The following ELMOD1 variants were observed in gnomAD, a reference collection of about 807,000 sequenced individuals.
ELMOD1 encodes the protein ELMO domain-containing protein 1.
ELMOD1 carries 21 observed loss-of-function variants against 46.7 expected under a neutral mutation model. The ratio of observed to expected loss-of-function variants is 0.45; its 90% CI spans 0.32 to 0.65. The LOEUF (loss-of-function observed/expected upper bound fraction) is 0.65. Ranked by LOEUF, ELMOD1 falls within the 30% of genes least tolerant of loss-of-function variation. The pLI is 0.04. For synonymous variants in ELMOD1, 122 were observed against 138.2 expected (o/e 0.88, Z 0.82); for missense variants, 348 against 407.8 (o/e 0.85, Z 1.26).
chr11:107,591,454 C>G (rs960918058), intron 1 of ELMOD1, 45 bp downstream of exon 1: 1 of 185,750 alleles, frequency 5.4e-6, no homozygotes, highest in African/African-American at 2.4e-5. Flanking sequence ...GGGCGAATGC[C>G]CTTGGGGAGG....
Position 107,631,683 on chromosome 11 carries a change from AAT to A in ELMOD1, c.290+9_290+10del, listed in dbSNP as rs1866143774. 12 of 1,453,462 alleles carry A rather than the reference AAT, an allele frequency of 8.3e-6. No homozygotes were observed. Among genetic ancestry groups the A allele is most frequent in the East Asian group, 5.0e-5 (2 of 39,770 alleles). The allele number at this position is 1,453,462 out of a possible 1,614,324, so 90.0% of individuals were successfully genotyped here. On this transcript the variant is annotated splice_region_variant and intron_variant, in intron 5 of 11. Coordinates refer to ENST00000265840, the MANE Select transcript of ELMOD1 (RefSeq NM_018712.4). ...AATCCTGACGTAAATCCACAGTAAG[AAT>A]ATGTTTCTTATGTCAAAAATACAGA...
chr11:107,627,102 A>T (rs930861132), intron 2 of ELMOD1, among the ~76,000 whole-genome samples: 2 of 152,240 alleles, frequency 1.3e-5, no homozygotes, highest in Non-Finnish European at 2.9e-5. Context: ...GATCTGGATT[A>T]AAAAAATACA....
rs201524635 is a variant in ELMOD1 at position 107,631,612 on chromosome 11, C to A, written c.225C>A (p.Asp75Glu). ...LLQTSVSVHP[D>E]AIEKTIEDIM... is the part of the protein sequence containing the mutation. Reference sequence around the variant, plus strand: ...AGACTTCTGTGAGTGTTCACCCCGACGCTATTGAAAAAACTATAGAAGATA... The same window carrying A: ...AGACTTCTGTGAGTGTTCACCCCGAAGCTATTGAAAAAACTATAGAAGATA... The change falls in exon 5 of 12, where the codon GAC becomes GAA. Residue 75 changes from aspartate to glutamate, a missense_variant. Coordinates refer to ENST00000265840, the MANE Select transcript of ELMOD1 (RefSeq NM_018712.4). The A allele has an allele frequency of 5.1e-6, 8 of 1,565,306 alleles. No homozygotes were observed. The highest frequency in any genetic ancestry group is 1.7e-4 in the Middle Eastern group (1 of 6,034).
chr11:107,660,604 A>C (rs1318942014), intron 11 of ELMOD1, among the ~76,000 whole-genome samples: 1 of 152,226 alleles, frequency 6.6e-6, no homozygotes, highest in African/African-American at 2.4e-5. Context: ...CGTGGTGAAA[A>C]GTCAGCTGGT....
intron 1 of ELMOD1, among the ~76,000 whole-genome samples, chr11:107,604,146 A>G (rs1421260161): frequency 2.6e-5 from 4 of 152,160 alleles, no homozygotes; most frequent in Non-Finnish European, 4.4e-5. Context: ...CACTCCAGAC[A>G]TGTTTATGAT....
intron 1 of ELMOD1, among the ~76,000 whole-genome samples, chr11:107,599,740 C>CAAA (rs56992146): frequency 3.3e-5 from 3 of 91,212 alleles, no homozygotes; most frequent in African/African-American, 4.5e-5. Flanking sequence ...AGACCTGTCT[C>CAAA]AAAAAAAAAA....
intron 6 of ELMOD1, among the ~76,000 whole-genome samples, chr11:107,639,402 T>G (rs1866281885): frequency 6.6e-6 from 1 of 152,152 alleles, no homozygotes; most frequent in Non-Finnish European, 1.5e-5. Context: ...ATATAGACAT[T>G]TCTATTAAAA....
At chr11:107,610,059 G>A (rs1865750054) in intron 1 of ELMOD1, among the ~76,000 whole-genome samples, 1 of 152,174 alleles carries the variant, frequency 6.6e-6, no homozygotes, top group African/African-American at 2.4e-5. Flanking sequence ...TATTAAGCAA[G>A]CAGTGTGTCA....
intron 6 of ELMOD1, among the ~76,000 whole-genome samples, chr11:107,638,033 C>A (rs1465130088): frequency 6.6e-6 from 1 of 152,148 alleles, no homozygotes; most frequent in East Asian, 1.9e-4. Context: ...CTCCTGTATC[C>A]TCATCACATA....
chr11:107,652,709 T>A (rs1162750664), intron 9 of ELMOD1, among the ~76,000 whole-genome samples: 1 of 152,200 alleles, frequency 6.6e-6, no homozygotes, highest in Non-Finnish European at 1.5e-5. Flanking sequence ...AGCTGTTTGG[T>A]TTGTTAGCCA....
intron 2 of ELMOD1, among the ~76,000 whole-genome samples, chr11:107,629,222 A>G (rs1866095547): frequency 6.6e-6 from 1 of 152,234 alleles, no homozygotes; most frequent in Non-Finnish European, 1.5e-5. Context: ...AAGGAAAGGA[A>G]CACGGTCAAG....
At chr11:107,611,663 C>G (rs1220592339) in intron 1 of ELMOD1, among the ~76,000 whole-genome samples, 2 of 142,484 alleles carry the variant, frequency 1.4e-5, no homozygotes, top group Admixed American at 7.4e-5. Context: ...ATAGATCAAG[C>G]CACTGCACTC....
At chr11:107,603,237 C>T (rs1008310002) in intron 1 of ELMOD1, among the ~76,000 whole-genome samples, 2 of 152,166 alleles carry the variant, frequency 1.3e-5, no homozygotes, top group Non-Finnish European at 2.9e-5. Flanking sequence ...CCTAACTACT[C>T]CTATGAAAAC....
At chr11:107,592,845 G>A (rs1325491098) in intron 1 of ELMOD1, 1 of 153,962 alleles carries the variant, frequency 6.5e-6, no homozygotes, top group Non-Finnish European at 1.4e-5. Flanking sequence ...CCATTTACCA[G>A]TAAACCAGCA....
chr11:107,661,661 T>C (rs1054639337), intron 11 of ELMOD1, among the ~76,000 whole-genome samples: 1 of 152,164 alleles, frequency 6.6e-6, no homozygotes, highest in African/African-American at 2.4e-5. Flanking sequence ...TTTAGAACCA[T>C]AAAAATTATA....
At chr11:107,652,141 T>C (rs1382721787) in intron 9 of ELMOD1, among the ~76,000 whole-genome samples, 2 of 152,208 alleles carry the variant, frequency 1.3e-5, no homozygotes, top group African/African-American at 2.4e-5. Context: ...GAACAGAATG[T>C]TTCAAAATGC....
At chr11:107,618,777 G>T (rs1406243809) in intron 2 of ELMOD1, among the ~76,000 whole-genome samples, 1 of 152,120 alleles carries the variant, frequency 6.6e-6, no homozygotes, top group East Asian at 1.9e-4. Flanking sequence ...TATGTTTGGG[G>T]TGATCTTTTT....
intron 1 of ELMOD1, among the ~76,000 whole-genome samples, chr11:107,594,838 G>A (rs1865465028): frequency 6.6e-6 from 1 of 152,130 alleles, no homozygotes. Flanking sequence ...TTCTGATGAT[G>A]GAAAGAGTGT....
chr11:107,618,052 G>T, intron 1 of ELMOD1, 53 bp from the exon 2 acceptor site: 2 of 1,018,168 alleles, frequency 2.0e-6, no homozygotes, highest in Non-Finnish European at 3.0e-6. Context: ...TTTTTGGTTT[G>T]CAGCTTCCAG....
Sources: gnomAD v4.1 joint callset for allele counts (sites outside exome capture counted in the v4.1 genomes callset) on GRCh38, gnomAD v4.1.1 for gene constraint, MANE v1.5 for transcripts, NCBI Gene and HGNC (gene_info 2026-07-23, HGNC 2026-07-21) for gene names.